SMOX: variants seen among roughly 807,000 people sequenced by gnomAD.
SMOX encodes spermine oxidase.
Under a neutral mutation model 51.0 loss-of-function variants are expected in SMOX, and 22 were observed. That is an observed-to-expected ratio of 0.43 (90% CI 0.31 to 0.62). The LOEUF (loss-of-function observed/expected upper bound fraction) is 0.62. Ranked by LOEUF, SMOX falls within the 20% of genes least tolerant of loss-of-function variation. The probability of loss-of-function intolerance (pLI) is 0.10; values close to 1 mark genes in which losing one functional copy is unlikely to be tolerated. For synonymous variants in SMOX, 282 were observed against 307.8 expected, an observed-to-expected ratio of 0.92 and a Z score of 0.88; for missense variants, 566 against 777.7, an observed-to-expected ratio of 0.73 and a Z score of 3.24.
rs547938301 is a variant in SMOX, at chr20:4,183,348, C to T, written c.1370-146C>T. On this transcript the variant is annotated intron_variant, in intron 5 of 6. Transcript: ENST00000305958. The surrounding 1 kb of genome is among the most constrained non-coding windows in gnomAD (Gnocchi z 4.3). ...AGCTCGAGCCCCAGCCTCCCTCCTT[C>T]CTCTTCTATCCTCCGTGCCTACCCC... 8.3e-7 allele frequency: 1 copy of T among 1,210,740 alleles called. No individual in the cohort carries two copies. The highest frequency in any genetic ancestry group is 1.5e-5 in the African/African-American group (1 of 67,120). 75.0% of individuals were successfully genotyped at this position (1,210,740 alleles called of 1,614,324 possible).
chr20:4,168,516 C>T (rs994860523), intron 1 of SMOX, among the ~76,000 whole-genome samples: 4 of 151,072 alleles, frequency 2.6e-5, no homozygotes, highest in Admixed American at 1.3e-4. Context: ...AGCCTGTGTT[C>T]GGAGGGGGCC....
rs750300184 is a variant in SMOX, at chr20:4,175,210, C to T, written c.155C>T (p.Thr52Ile). The T allele has an allele frequency of 1.2e-6, 2 of 1,614,242 alleles. No homozygotes were observed. The highest frequency in any genetic ancestry group is 3.3e-5 in the Admixed American group (2 of 60,036). ...ALLEQGFTDV[T>I]VLEASSHIGG... Reference sequence around the variant, plus strand: ...CTTGAGCAGGGTTTCACGGATGTCACTGTGCTTGAGGCTTCCAGCCACATC... The same window carrying T: ...CTTGAGCAGGGTTTCACGGATGTCATTGTGCTTGAGGCTTCCAGCCACATC... The change falls in exon 2 of 7, where the codon ACT (threonine) becomes ATT (isoleucine). Residue 52 changes from threonine to isoleucine, a missense_variant. By Grantham distance (89) the Thr-to-Ile change is moderately conservative (BLOSUM62 -1). Coordinates refer to ENST00000305958, the MANE Select transcript of SMOX (RefSeq NM_175839.3).
chr20:4,163,926 T>C (rs1248438862), intron 1 of SMOX, among the ~76,000 whole-genome samples: 2 of 152,176 alleles, frequency 1.3e-5, no homozygotes, highest in African/African-American at 4.8e-5. Flanking sequence ...TCCTGTTAGC[T>C]GCAATGGTCA....
chr20:4,182,346 C>T lies in SMOX; in HGVS notation c.867C>T (p.Asp289=), dbSNP rs1979397155. The change falls in exon 5 of 7, where the codon GAC becomes GAT. Residue 289 remains aspartate, a synonymous_variant. Coordinates refer to ENST00000305958, the MANE Select transcript of SMOX (RefSeq NM_175839.3). The surrounding 1 kb of genome is among the most constrained non-coding windows in gnomAD (Gnocchi z 8.4). ...EPRGEGDHNH[D]TGEGGQGGEE... is the part of the protein sequence containing the mutation. ...GGGGTGAGGGCGACCACAATCACGA[C>T]ACTGGGGAGGGTGGCCAGGGTGGAG... is the stretch of plus-strand genomic sequence containing the variant. The T allele has an allele frequency of 3.1e-6, 5 of 1,594,296 alleles. No individual in the cohort carries two copies. The highest frequency in any genetic ancestry group is 4.3e-6 in the Non-Finnish European group (5 of 1,167,692).
intron 1 of SMOX, among the ~76,000 whole-genome samples, chr20:4,173,628 G>A (rs1378738254): frequency 2.6e-5 from 4 of 152,202 alleles, no homozygotes; most frequent in South Asian, 2.1e-4. Context: ...ACAGTTATGC[G>A]CAGCTTTATT....
chr20:4,161,117 C>T (rs1013857296), intron 1 of SMOX, among the ~76,000 whole-genome samples: 5 of 152,246 alleles, frequency 3.3e-5, no homozygotes, highest in African/African-American at 7.2e-5. Flanking sequence ...GAGGCTGCGG[C>T]TCCTGGCAGG....
At position 4,177,264 on chromosome 20, in the gene SMOX, C is replaced by A. The variant is rs1200390818; in HGVS notation, c.209-87C>A. Reference sequence around the variant, plus strand: ...CCTGCCCTGTTGTAGGGTGGAAAGACCCTCTTGGAGGAAGGAGGGGGAAGC... The same window carrying A: ...CCTGCCCTGTTGTAGGGTGGAAAGAACCTCTTGGAGGAAGGAGGGGGAAGC... On this transcript the variant is annotated intron_variant, in intron 2 of 6. Coordinates refer to ENST00000305958, the MANE Select transcript of SMOX (RefSeq NM_175839.3). This position sits in a 1 kb window ranked among gnomAD's most constrained non-coding sequence, Gnocchi z 4.3. The A allele has an allele frequency of 5.1e-6, 6 of 1,178,522 alleles. No homozygotes were observed. The East Asian group carries it at 1.3e-4, about 25-fold the overall frequency. The allele number at this position is 1,178,522 out of a possible 1,614,324, so 73.0% of individuals were successfully genotyped here.
chr20:4,173,236 C>T (rs1392606975), intron 1 of SMOX, among the ~76,000 whole-genome samples: 2 of 152,224 alleles, frequency 1.3e-5, no homozygotes, highest in South Asian at 4.1e-4. Flanking sequence ...TCAGTCATCT[C>T]CCTGCCTTCT....
intron 6 of SMOX, among the ~76,000 whole-genome samples, chr20:4,184,818 A>AAAAGC (rs1181930061): frequency 6.6e-6 from 1 of 152,368 alleles, no homozygotes; most frequent in East Asian, 1.9e-4. Flanking sequence ...GCATGTAGCA[A>AAAAGC]AAAGCAAAGC....
chr20:4,156,575 A>G (rs1380136370), intron 1 of SMOX, among the ~76,000 whole-genome samples: 1 of 151,846 alleles, frequency 6.6e-6, no homozygotes, highest in African/African-American at 2.4e-5. Flanking sequence ...TCCCACCTCT[A>G]CCAGGAAGCT....
At chr20:4,179,276 G>A (rs1039972250) in intron 3 of SMOX, among the ~76,000 whole-genome samples, 2 of 152,144 alleles carry the variant, frequency 1.3e-5, no homozygotes, top group Non-Finnish European at 2.9e-5. Flanking sequence ...TGACTTTCGG[G>A]GCCCGTGGTT....
In SMOX at chr20:4,177,394, C is replaced by T. The variant is rs1300853017; in HGVS notation, c.252C>T (p.Ser84=). The change falls in exon 3 of 7, where the codon TCC becomes TCT. Residue 84 remains serine (S), a synonymous_variant. Transcript: ENST00000305958. This position sits in a 1 kb window ranked among gnomAD's most constrained non-coding sequence, Gnocchi z 4.3. ...FELGATWIHG[S]HGNPIYHLAE... The stretch of plus-strand genomic sequence containing the variant: ...TGGGAGCCACCTGGATCCATGGCTC[C>T]CATGGGAACCCTATCTATCATCTAG... 1.3e-6 allele frequency: 2 copies of T among 1,554,992 alleles called. No homozygotes were observed. Among genetic ancestry groups the T allele is most frequent in the Admixed American group, 3.9e-5 (2 of 51,342 alleles).
chr20:4,168,619 C>CTCCA (rs1430377535), intron 1 of SMOX, among the ~76,000 whole-genome samples: 1 of 150,948 alleles, frequency 6.6e-6, no homozygotes, highest in Non-Finnish European at 1.5e-5. Flanking sequence ...TGCAGTGGCG[C>CTCCA]GATCTCGACT....
rs781606662 is a variant in SMOX, at chr20:4,183,328, G to A, written c.1370-166G>A. 171 of 977,714 alleles carry A rather than the reference G, an allele frequency of 1.7e-4. 1 individual carries two copies. The highest frequency in any genetic ancestry group is 2.5e-4 in the Non-Finnish European group (158 of 641,678). 60.6% of individuals were successfully genotyped at this position (977,714 alleles called of 1,614,324 possible). A position where few individuals can be genotyped will look rare whatever the true frequency, so the allele number is the denominator to read the frequency against. ...GAGGCGCTGAGTGGGTACACAGCTC[G>A]AGCCCCAGCCTCCCTCCTTCCTCTT... On this transcript the variant is annotated intron_variant, in intron 5 of 6. Transcript: ENST00000305958. The surrounding 1 kb of genome is among the most constrained non-coding windows in gnomAD (Gnocchi z 4.3).
Position 4,172,149 on chromosome 20 carries a change from G to C in SMOX, c.-26-2881G>C, listed in dbSNP as rs1479919257. Among the ~76,000 whole-genome samples the C allele has an allele frequency of 6.6e-6, 1 of 152,242 alleles. No homozygotes were observed. The highest frequency in any genetic ancestry group is 1.5e-5 in the Non-Finnish European group (1 of 68,038). ...TAAGAAGGGGTTCCACCAGTAAGGC[G>C]TGAGAGCCACTGCAGCCATCCCTTT... On this transcript the variant is annotated intron_variant, in intron 1 of 6. Transcript: ENST00000305958. This position sits in a 1 kb window ranked among gnomAD's most constrained non-coding sequence, Gnocchi z 7.7.
At chr20:4,185,640 C>T (rs1403339233) in intron 6 of SMOX, among the ~76,000 whole-genome samples, 2 of 101,714 alleles carry the variant, frequency 2.0e-5, no homozygotes, top group East Asian at 3.2e-4. Flanking sequence ...CAACCCCTGG[C>T]GCCCTAAACA....
Position 4,183,734 on chromosome 20 carries a change from G to A in SMOX, c.1530+80G>A. The A allele has an allele frequency of 6.8e-7, 1 of 1,474,856 alleles. No homozygotes were observed. The highest frequency in any genetic ancestry group is 8.9e-7 in the Non-Finnish European group (1 of 1,119,142). The allele number at this position is 1,474,856 out of a possible 1,614,324, so 91.4% of individuals were successfully genotyped here. ...GTCCGGTCCAGGGTGAGGAGGGCTAGGGTAGTGTTCACTAAGGGGTGCTCA... is the reference window on the plus strand; with the variant it reads ...GTCCGGTCCAGGGTGAGGAGGGCTAAGGTAGTGTTCACTAAGGGGTGCTCA... On this transcript the variant is annotated intron_variant, in intron 6 of 6. Transcript: ENST00000305958. This position sits in a 1 kb window ranked among gnomAD's most constrained non-coding sequence, Gnocchi z 4.3.
intron 3 of SMOX, among the ~76,000 whole-genome samples, chr20:4,179,166 T>G (rs546058101): frequency 2.0e-5 from 3 of 152,212 alleles, no homozygotes; most frequent in Non-Finnish European, 4.4e-5. Flanking sequence ...AAATAAGAAC[T>G]AGTATTCTTC....
intron 1 of SMOX, among the ~76,000 whole-genome samples, chr20:4,157,934 T>C (rs971653835): frequency 2.2e-4 from 33 of 152,042 alleles, no homozygotes; most frequent in Non-Finnish European, 3.7e-4. Context: ...GGAGTCTCGC[T>C]CTGTCGCCCA....
Sources: allele counts gnomAD v4.1 joint callset (sites outside exome capture counted in the v4.1 genomes callset), GRCh38; gene constraint gnomAD v4.1.1; non-coding constraint Gnocchi (gnomAD v3.1); transcripts MANE v1.5; gene names NCBI Gene and HGNC (gene_info 2026-07-23, HGNC 2026-07-21).